PRPF38A: variants seen among roughly 807,000 people sequenced by gnomAD.
The protein encoded by PRPF38A is pre-mRNA-splicing factor 38A.
PRPF38A carries 11 observed loss-of-function variants against 46.8 expected under a neutral mutation model. That is an observed-to-expected ratio of 0.24 (90% CI 0.15 to 0.39). The LOEUF (loss-of-function observed/expected upper bound fraction) is 0.39. Among genes scored for constraint, PRPF38A ranks in the 10% least tolerant of loss-of-function variants. PRPF38A has a pLI of 1.00. For synonymous variants in PRPF38A, 124 were observed against 136.2 expected, an observed-to-expected ratio of 0.91 and a Z score of 0.62; for missense variants, 261 against 407.5, an observed-to-expected ratio of 0.64 and a Z score of 3.10.
chr1:52,405,573 T>C, intron 1 of PRPF38A, 107 bp from the exon 2 acceptor site: 1 of 963,586 alleles, frequency 1.0e-6, no homozygotes. Context: ...GTTCTCCTAA[T>C]ATTACACTGT....
chr1:52,412,640 CTT>C lies in PRPF38A; in HGVS notation c.609+19_609+20del, dbSNP rs1333291802. On this transcript the variant is annotated intron_variant, in intron 5 of 9. Coordinates refer to ENST00000257181, the MANE Select transcript of PRPF38A (RefSeq NM_032864.4). The stretch of plus-strand genomic sequence containing the variant: ...GGATGAGAAGGTCTGGCACCTGAGA[CTT>C]TTATGGTTGTAGGGGAGGGAGTAAT... 11 of 1,504,754 alleles carry C rather than the reference CTT, an allele frequency of 7.3e-6. No individual in the cohort carries two copies. The highest frequency in any genetic ancestry group is 1.4e-5 in the African/African-American group (1 of 72,100). The allele number at this position is 1,504,754 out of a possible 1,614,324, so 93.2% of individuals were successfully genotyped here.
At chr1:52,415,641 CG>C (rs1308745353) in intron 9 of PRPF38A, among the ~76,000 whole-genome samples, 1 of 149,872 alleles carries the variant, frequency 6.7e-6, no homozygotes, top group South Asian at 2.1e-4. Flanking sequence ...CTCTGCCTCC[CG>C]GGTTCAAGCT....
At position 52,411,257 on chromosome 1, in the gene PRPF38A, GACAA is replaced by G. The variant is rs1648142436; in HGVS notation, c.498+61_498+64del. On this transcript the variant is annotated intron_variant, in intron 4 of 9. Coordinates refer to ENST00000257181, the MANE Select transcript of PRPF38A (RefSeq NM_032864.4). ...CCTTCTCTTCCTAGACGGGCAGACA[GACAA>G]ACACATACACACAGCTTAAACACTG... is the stretch of plus-strand genomic sequence containing the variant. The G allele has an allele frequency of 2.4e-6, 3 of 1,224,842 alleles. No homozygotes were observed. The African/African-American group carries it at 4.4e-5, about 18-fold the overall frequency. 75.9% of individuals were successfully genotyped at this position (1,224,842 alleles called of 1,614,324 possible).
In PRPF38A at chr1:52,404,872, A is replaced by C. The variant is rs200651968; in HGVS notation, c.123A>C (p.Gly41=). ...ESKYWKEECF[G]LTAELVVDKA... ...AGTACTGGAAAGAGGAGTGCTTTGG[A>C]CTTACAGGTAAGTGGAAGCGCGCGG... Residue 41 remains glycine (G), a synonymous_variant, in exon 1 of 10, where the codon GGA becomes GGC. Transcript: ENST00000257181. 45 of 1,613,726 alleles carry C rather than the reference A, an allele frequency of 2.8e-5. No homozygotes were observed. The highest frequency in any genetic ancestry group is 5.0e-5 in the Admixed American group (3 of 59,910).
rs1648367909 is a variant in PRPF38A, at chr1:52,418,963, A to G, written c.*2273A>G. 1 of 152,250 alleles carries G rather than the reference A, an allele frequency of 6.6e-6. No homozygotes were observed. Among genetic ancestry groups the G allele is most frequent in the African/African-American group, 2.4e-5 (1 of 41,472 alleles). The allele number at this position is 152,250 out of a possible 1,614,324, so 9.4% of individuals were successfully genotyped here. On this transcript the variant is annotated 3_prime_UTR_variant, in exon 10 of 10. Coordinates refer to ENST00000257181, the MANE Select transcript of PRPF38A (RefSeq NM_032864.4). ...AACCACTTAATCGATTTCACTTCCA[A>G]TAATTTGAAATACACTGACTTAAAA...
intron 5 of PRPF38A, 65 bp downstream of exon 5, chr1:52,412,689 G>A (rs1648179964): frequency 9.1e-7 from 1 of 1,103,314 alleles, no homozygotes; most frequent in South Asian, 1.3e-5. Context: ...ATGGTTTTTT[G>A]TTTTTAGACT....
rs909134467 is a variant in PRPF38A, at chr1:52,420,552, C to T, written c.*3862C>T. On this transcript the variant is annotated 3_prime_UTR_variant, in exon 10 of 10. Coordinates refer to ENST00000257181, the MANE Select transcript of PRPF38A (RefSeq NM_032864.4). ...GAGAAATCTTACAAGACTAGATTCTCTTGTGGGGAAAAAAGTATTTAAATT... is the reference window on the plus strand; with the variant it reads ...GAGAAATCTTACAAGACTAGATTCTTTTGTGGGGAAAAAAGTATTTAAATT... The T allele has an allele frequency of 6.6e-6, 1 of 151,938 alleles. No homozygotes were observed. The highest frequency in any genetic ancestry group is 6.6e-5 in the Admixed American group (1 of 15,266). 9.4% of individuals were successfully genotyped at this position (151,938 alleles called of 1,614,324 possible).
intron 7 of PRPF38A, 34 bp from the exon 8 acceptor site, chr1:52,414,728 C>A: frequency 1.9e-6 from 3 of 1,613,780 alleles, no homozygotes; most frequent in Non-Finnish European, 2.5e-6. Context: ...ATATTGCTAA[C>A]CAGATCTGGT....
intron 1 of PRPF38A, 109 bp downstream of exon 1, chr1:52,404,988 T>C (rs1185552188): frequency 1.8e-5 from 24 of 1,346,086 alleles, no homozygotes; most frequent in Non-Finnish European, 2.5e-5. Flanking sequence ...TGGAACGGAG[T>C]ATGTCGATCA....
At position 52,404,837 on chromosome 1, in the gene PRPF38A, T is replaced by C; in HGVS notation, c.88T>C (p.Tyr30His). Residue 30 changes from tyrosine (Y) to histidine (H), a missense_variant, in exon 1 of 10, where the codon TAT (tyrosine) becomes CAT (histidine). Transcript: ENST00000257181. ...LVEKIIRTRIYESKYWKEECF... is the reference protein window; with the variant it reads ...LVEKIIRTRIHESKYWKEECF... ...GGAGAAGATCATTCGAACGCGAATC[T>C]ATGAGTCCAAGTACTGGAAAGAGGA... The C allele has an allele frequency of 6.2e-7, 1 of 1,614,244 alleles. No homozygotes were observed. Among genetic ancestry groups the C allele is most frequent in the Non-Finnish European group, 8.5e-7 (1 of 1,180,040 alleles).
chr1:52,410,078 AATTAT>A (rs1648105052), intron 3 of PRPF38A, among the ~76,000 whole-genome samples: 1 of 149,020 alleles, frequency 6.7e-6, no homozygotes, highest in Admixed American at 6.7e-5. Flanking sequence ...TACATTTTAT[AATTAT>A]ATTTACATAC....
Position 52,415,338 on chromosome 1 carries a change from G to A in PRPF38A, c.848G>A (p.Gly283Asp). ...TATGCAATGGCCTTTTCTTCCCCAG[G>A]TCATCACCGTAGTCACAGACACAGG... Reference protein sequence around the residue: ...RRHRSRSKSPGHHRSHRHRSH... With the variant: ...RRHRSRSKSPDHHRSHRHRSH... Residue 283 changes from glycine (G) to aspartate (D), a missense_variant and splice_region_variant, in exon 9 of 10, where the codon GGT becomes GAT. By Grantham distance (94) the Gly-to-Asp change is moderately conservative (BLOSUM62 -1). Around this residue, in one of 2 missense-constraint regions of PRPF38A, gnomAD observed 180 missense variants for 221.0 expected, o/e 0.81. Transcript: ENST00000257181. The A allele has an allele frequency of 2.5e-6, 4 of 1,613,728 alleles. No individual in the cohort carries two copies. Among genetic ancestry groups the A allele is most frequent in the Non-Finnish European group, 3.4e-6 (4 of 1,179,792 alleles).
chr1:52,409,465 G>C (rs539936706), intron 3 of PRPF38A: 1 of 152,298 alleles, frequency 6.6e-6, no homozygotes, highest in African/African-American at 2.4e-5. Context: ...ACAGTAATTA[G>C]CAGGGTGTGG....
At chr1:52,407,121 C>A (rs568127704) in intron 2 of PRPF38A, among the ~76,000 whole-genome samples, 1 of 152,262 alleles carries the variant, frequency 6.6e-6, no homozygotes, top group Non-Finnish European at 1.5e-5. Flanking sequence ...GGGTTCATGC[C>A]ATTCTCCTGC....
intron 2 of PRPF38A, among the ~76,000 whole-genome samples, chr1:52,406,965 A>G (rs182950941): frequency 3.3e-5 from 5 of 152,344 alleles, no homozygotes; most frequent in Middle Eastern, 3.4e-3. Context: ...AAAGCCTCCT[A>G]GTTACCCAAG....
At chr1:52,408,333 G>T in intron 2 of PRPF38A, 1 of 646,986 alleles carries the variant, frequency 1.5e-6, no homozygotes, top group Non-Finnish European at 2.8e-6. Flanking sequence ...TGATATATTT[G>T]AAAGTTGATC....
At chr1:52,407,728 C>CTGGCCAACATGGG (rs1648037805) in intron 2 of PRPF38A, among the ~76,000 whole-genome samples, 2 of 152,148 alleles carry the variant, frequency 1.3e-5, no homozygotes, top group South Asian at 4.1e-4. Context: ...CAAGACCAGC[C>CTGGCCAACATGGG]TGGCCAACAT....
chr1:52,414,372 C>G (rs564308903), intron 6 of PRPF38A, among the ~76,000 whole-genome samples: 3 of 152,316 alleles, frequency 2.0e-5, no homozygotes, highest in African/African-American at 4.8e-5. Flanking sequence ...CAAGAGCAAA[C>G]AAACCCGGTC....
At chr1:52,406,058 G>A (rs1457365505) in intron 2 of PRPF38A, among the ~76,000 whole-genome samples, 3 of 152,032 alleles carry the variant, frequency 2.0e-5, no homozygotes, top group Non-Finnish European at 1.5e-5. Context: ...GTGCGATCTC[G>A]GCCCACTGCA....
Sources: allele counts gnomAD v4.1 joint callset (sites outside exome capture counted in the v4.1 genomes callset), GRCh38; gene constraint gnomAD v4.1.1; regional missense constraint gnomAD v4.1.1; transcripts MANE v1.5; gene names NCBI Gene and HGNC (gene_info 2026-07-23, HGNC 2026-07-21).